RAB6A: variants seen among roughly 807,000 people sequenced by gnomAD.
RAB6A encodes the protein RAB6A, member RAS oncogene family, also known as ras-related protein Rab-6A.
In RAB6A, 8 loss-of-function variants were observed where a neutral mutation model predicts 32.3. The observed-to-expected ratio is 0.25, with a 90% CI of 0.15 to 0.45. The LOEUF (loss-of-function observed/expected upper bound fraction) is 0.45, where lower values mean the gene tolerates loss of function less well. Ranked by LOEUF, RAB6A falls within the 20% of genes least tolerant of loss-of-function variation. RAB6A has a pLI of 1.00. For missense variants in RAB6A, 104 were observed against 249.4 expected, an observed-to-expected ratio of 0.42 and a Z score of 3.93; for synonymous variants, 73 against 82.1, an observed-to-expected ratio of 0.89 and a Z score of 0.60.
chr11:73,680,495 T>C (rs1945338412), intron 6 of RAB6A, among the ~76,000 whole-genome samples: 1 of 151,874 alleles, frequency 6.6e-6, no homozygotes, highest in Non-Finnish European at 1.5e-5. Context: ...CTACAGAAAA[T>C]ACAAAAATGA....
rs1402611823 is a variant in RAB6A at position 73,676,159 on chromosome 11, T to A, written c.*1739A>T. 1 of 167,098 alleles carries A rather than the reference T, an allele frequency of 6.0e-6. No homozygotes were observed. Among genetic ancestry groups the A allele is most frequent in the Admixed American group, 6.5e-5 (1 of 15,268 alleles). The allele number at this position is 167,098 out of a possible 1,614,324, so 10.4% of individuals were successfully genotyped here. On this transcript the variant is annotated 3_prime_UTR_variant, in exon 8 of 8. Transcript: ENST00000336083. ...GAGGAAAGAGAGGGGACTAAGGTTC[T>A]CCCAGTTTAAGGTTTTGTTCCAATG...
intron 1 of RAB6A, among the ~76,000 whole-genome samples, chr11:73,743,048 A>G (rs569822065): frequency 6.6e-6 from 1 of 152,258 alleles, no homozygotes; most frequent in South Asian, 2.1e-4. Flanking sequence ...TCACGCCTGT[A>G]ATCCCAGCAC....
chr11:73,719,974 G>GA (rs796289106), intron 3 of RAB6A, among the ~76,000 whole-genome samples: 47 of 144,978 alleles, frequency 3.2e-4, no homozygotes, highest in South Asian at 1.7e-3. Context: ...GAATATTCAG[G>GA]AAAAAAAAAA....
chr11:73,703,965 G>A (rs1240810321), intron 6 of RAB6A, among the ~76,000 whole-genome samples: 1 of 150,970 alleles, frequency 6.6e-6, no homozygotes, highest in East Asian at 1.9e-4. Flanking sequence ...GGGAGGCAAG[G>A]TTGCAGTGAG....
In RAB6A at chr11:73,677,713, A is replaced by T. The variant is rs1428638632; in HGVS notation, c.*185T>A. On this transcript the variant is annotated 3_prime_UTR_variant, in exon 8 of 8. Transcript: ENST00000336083. The stretch of plus-strand genomic sequence containing the variant: ...TTTTTGTAAAATATAAATAATGAAG[A>T]CACTGACTTTTGTTGTGCTTGTGAA... 1 of 1,401,502 alleles carries T rather than the reference A, an allele frequency of 7.1e-7. No individual in the cohort carries two copies. The highest frequency in any genetic ancestry group is 1.4e-5 in the African/African-American group (1 of 69,032). 86.8% of individuals were successfully genotyped at this position (1,401,502 alleles called of 1,614,324 possible). A position where few individuals can be genotyped will look rare whatever the true frequency, so the allele number is the denominator to read the frequency against.
intron 6 of RAB6A, among the ~76,000 whole-genome samples, chr11:73,695,527 G>T (rs545103603): frequency 6.6e-6 from 1 of 152,064 alleles, no homozygotes; most frequent in Non-Finnish European, 1.5e-5. Flanking sequence ...TTACAGGCGC[G>T]TGACACCATG....
rs1279924219 is a variant in RAB6A, at chr11:73,690,808, G to A, written c.496-11088C>T. ...GGGTCCGGGTATGGGGGACAGGGAA[G>A]CTAAGTGTCTCTGGACTCAGCTCAA... On this transcript the variant is annotated intron_variant, in intron 6 of 7. Transcript: ENST00000336083. 2.7e-5 allele frequency among the ~76,000 whole-genome samples: 4 copies of A among 150,522 alleles called. No individual in the cohort carries two copies. The East Asian group carries it at 7.8e-4, about 29-fold the overall frequency.
intron 5 of RAB6A, among the ~76,000 whole-genome samples, chr11:73,709,509 T>C (rs939494450): frequency 3.4e-5 from 5 of 148,808 alleles, no homozygotes; most frequent in African/African-American, 1.2e-4. Flanking sequence ...TTATAGTAAT[T>C]ACTGATTTTC....
intron 1 of RAB6A, among the ~76,000 whole-genome samples, chr11:73,734,393 T>C (rs1023031312): frequency 2.0e-5 from 3 of 152,096 alleles, no homozygotes; most frequent in Admixed American, 1.3e-4. Context: ...CCCAAAGAGC[T>C]GGGATTACAG....
intron 1 of RAB6A, among the ~76,000 whole-genome samples, chr11:73,749,120 A>G (rs913623082): frequency 6.6e-6 from 1 of 152,094 alleles, no homozygotes; most frequent in Non-Finnish European, 1.5e-5. Flanking sequence ...CAAAGACTCT[A>G]TCTTAAAAAA....
chr11:73,737,602 G>A (rs142319901), intron 1 of RAB6A, among the ~76,000 whole-genome samples: 9 of 152,218 alleles, frequency 5.9e-5, no homozygotes, highest in East Asian at 3.9e-4. Flanking sequence ...TAAACAAAAC[G>A]TGGTACACAG....
chr11:73,696,502 A>T (rs960667985), intron 6 of RAB6A, among the ~76,000 whole-genome samples: 1 of 151,826 alleles, frequency 6.6e-6, no homozygotes, highest in Admixed American at 6.6e-5. Flanking sequence ...GCTGCTTTTG[A>T]CTTTTTGCTA....
intron 1 of RAB6A, among the ~76,000 whole-genome samples, chr11:73,756,843 T>C (rs1314596855): frequency 1.3e-5 from 2 of 149,864 alleles, no homozygotes; most frequent in African/African-American, 4.9e-5. Flanking sequence ...CCAGCTAGTT[T>C]TTGGATTTTT....
intron 5 of RAB6A, among the ~76,000 whole-genome samples, chr11:73,713,444 C>T (rs2134935181): frequency 6.6e-6 from 1 of 152,106 alleles, no homozygotes; most frequent in South Asian, 2.1e-4. Context: ...CTGGCGGGTG[C>T]CTAGTCCCAG....
chr11:73,730,970 G>C, intron 1 of RAB6A, 147 bp from the exon 2 acceptor site: 1 of 597,844 alleles, frequency 1.7e-6, no homozygotes, highest in Non-Finnish European at 2.9e-6. Context: ...ATAGCCCCAA[G>C]ATTGTCAAAA....
intron 3 of RAB6A, 92 bp downstream of exon 3, chr11:73,720,754 G>C: frequency 9.9e-7 from 1 of 1,011,550 alleles, no homozygotes; most frequent in South Asian, 1.4e-5. Flanking sequence ...ACTTTGCTAA[G>C]TACTTCTTAT....
chr11:73,738,951 C>T (rs976122739), intron 1 of RAB6A, among the ~76,000 whole-genome samples: 3 of 150,910 alleles, frequency 2.0e-5, no homozygotes, highest in Non-Finnish European at 4.4e-5. Context: ...TCTCAAAAAA[C>T]AAAACTAAAC....
At chr11:73,707,547 G>A (rs1051164096) in intron 5 of RAB6A, 34 bp from the exon 6 acceptor site, 9 of 1,429,720 alleles carry the variant, frequency 6.3e-6, no homozygotes, top group Non-Finnish European at 8.9e-6. Flanking sequence ...TTACTTTTGA[G>A]ACATGAGGCA....
intron 5 of RAB6A, among the ~76,000 whole-genome samples, chr11:73,715,610 A>G (rs972253430): frequency 6.6e-6 from 1 of 152,268 alleles, no homozygotes; most frequent in African/African-American, 2.4e-5. Flanking sequence ...AGTATGGTCA[A>G]AACTATTTAA....
Sources: gnomAD v4.1 joint callset for allele counts (sites outside exome capture counted in the v4.1 genomes callset) on GRCh38, gnomAD v4.1.1 for gene constraint, MANE v1.5 for transcripts, NCBI Gene and HGNC (gene_info 2026-07-23, HGNC 2026-07-21) for gene names.